GLIS2: variants seen among roughly 807,000 people sequenced by gnomAD.
GLIS2 encodes the protein GLIS family zinc finger 2.
GLIS2 carries 14 observed loss-of-function variants against 35.6 expected under a neutral mutation model. That is an observed-to-expected ratio of 0.39 (90% CI 0.26 to 0.61). The LOEUF is 0.61. GLIS2 is among the 20% of genes least tolerant of loss of function. The probability of loss-of-function intolerance (pLI) is 0.48; values close to 1 mark genes in which losing one functional copy is unlikely to be tolerated. For synonymous variants in GLIS2, 368 were observed against 325.1 expected (o/e 1.13, Z -1.42); for missense variants, 675 against 713.4 (o/e 0.95, Z 0.61).
chr16:4,336,549 T>G, intron 6 of GLIS2, 176 bp from the exon 7 acceptor site: 1 of 709,964 alleles, frequency 1.4e-6, no homozygotes, highest in Non-Finnish European at 2.5e-6. Context: ...TTTCAGCCTC[T>G]GTGCCCTGCC....
chr16:4,333,045 G>A (rs2053514144), intron 2 of GLIS2, among the ~76,000 whole-genome samples: 1 of 152,184 alleles, frequency 6.6e-6, no homozygotes, highest in Admixed American at 6.5e-5. Flanking sequence ...CAGGGACCCA[G>A]GGGCCCTGGG....
At chr16:4,336,685 G>C (rs1290637076) in intron 6 of GLIS2, 40 bp from the exon 7 acceptor site, 1 of 1,550,188 alleles carries the variant, frequency 6.5e-7, no homozygotes. Flanking sequence ...AGGAAGGGGA[G>C]AGACCCCTCA....
At position 4,337,559 on chromosome 16, in the gene GLIS2, C is replaced by T; in HGVS notation, c.*35C>T. On this transcript the variant is annotated 3_prime_UTR_variant, in exon 7 of 7. Transcript: ENST00000433375. ...GCGGACAGTTGTGGTGCCCCCCCGG[C>T]AGCTCCCGGCACTGCCCCCGACGAA... 1.3e-6 allele frequency: 2 copies of T among 1,539,956 alleles called. No individual in the cohort carries two copies. Among genetic ancestry groups the T allele is most frequent in the Non-Finnish European group, 1.7e-6 (2 of 1,148,432 alleles).
In GLIS2 at chr16:4,338,076, C is replaced by T. The variant is rs909107733; in HGVS notation, c.*552C>T. 9.0e-5 allele frequency: 16 copies of T among 177,142 alleles called. No homozygotes were observed. Among genetic ancestry groups the T allele is most frequent in the Non-Finnish European group, 1.9e-4 (16 of 82,832 alleles). 11.0% of individuals were successfully genotyped at this position (177,142 alleles called of 1,614,324 possible). A position where few individuals can be genotyped will look rare whatever the true frequency, so the allele number is the denominator to read the frequency against. ...GAGGGAAAGCAAGACAGATGCAGGC[C>T]CCTGCAAAGCCCCAGGTAGAAGCAT... On this transcript the variant is annotated 3_prime_UTR_variant, in exon 7 of 7. Coordinates refer to ENST00000433375, the MANE Select transcript of GLIS2 (RefSeq NM_032575.3).
At chr16:4,327,985 C>T (rs1157811843) in intron 1 of GLIS2, among the ~76,000 whole-genome samples, 2 of 152,108 alleles carry the variant, frequency 1.3e-5, no homozygotes, top group African/African-American at 4.8e-5. Flanking sequence ...GAGACGCGGC[C>T]CTGGGCTCTG....
At chr16:4,318,166 C>G (rs902705795) in intron 1 of GLIS2, among the ~76,000 whole-genome samples, 4 of 152,320 alleles carry the variant, frequency 2.6e-5, no homozygotes, top group African/African-American at 4.8e-5. Flanking sequence ...GGCTGGAGCC[C>G]AGTCACAGCT....
chr16:4,323,619 T>A (rs1004848556), intron 1 of GLIS2, among the ~76,000 whole-genome samples: 1 of 152,112 alleles, frequency 6.6e-6, no homozygotes, highest in African/African-American at 2.4e-5. Context: ...CCTGCTGGCG[T>A]TGGAGAAGGA....
At chr16:4,327,741 C>T (rs1229396439) in intron 1 of GLIS2, among the ~76,000 whole-genome samples, 2 of 146,294 alleles carry the variant, frequency 1.4e-5, no homozygotes, top group African/African-American at 2.5e-5. Flanking sequence ...TCCCCCGAAG[C>T]CCCCGCCGTC....
In GLIS2 at chr16:4,320,185, C is replaced by T. The variant is rs753213001; in HGVS notation, c.-67+3931C>T. 1.1e-4 allele frequency among the ~76,000 whole-genome samples: 16 copies of T among 152,064 alleles called. No homozygotes were observed. The highest frequency in any genetic ancestry group is 1.6e-4 in the Non-Finnish European group (11 of 67,978). ...GGACTCCAGCCTTGGCAGATGGCTGCCGGGGAAGGGACGGAGACCCAGCCC... is the reference window on the plus strand; with the variant it reads ...GGACTCCAGCCTTGGCAGATGGCTGTCGGGGAAGGGACGGAGACCCAGCCC... On this transcript the variant is annotated intron_variant, in intron 1 of 6. Coordinates refer to ENST00000433375, the MANE Select transcript of GLIS2 (RefSeq NM_032575.3). The surrounding 1 kb of genome is among the most constrained non-coding windows in gnomAD (Gnocchi z 5.6).
chr16:4,320,130 G>T lies in GLIS2; in HGVS notation c.-67+3876G>T, dbSNP rs1465930437. 6.6e-6 allele frequency among the ~76,000 whole-genome samples: 1 copy of T among 152,122 alleles called. No individual in the cohort carries two copies. Among genetic ancestry groups the T allele is most frequent in the Non-Finnish European group, 1.5e-5 (1 of 68,004 alleles). On this transcript the variant is annotated intron_variant, in intron 1 of 6. Transcript: ENST00000433375. The surrounding 1 kb of genome is among the most constrained non-coding windows in gnomAD (Gnocchi z 5.6). ...GTAGTGCCCACCGCAGGGAGGGGCCGGCCTGTGAGTGTCACATGTGCGTGC... is the reference window on the plus strand; with the variant it reads ...GTAGTGCCCACCGCAGGGAGGGGCCTGCCTGTGAGTGTCACATGTGCGTGC...
rs766222280 is a variant in GLIS2, at chr16:4,321,710, CTTCTCT to C, written c.-67+5458_-67+5463del. On this transcript the variant is annotated intron_variant, in intron 1 of 6. Coordinates refer to ENST00000433375, the MANE Select transcript of GLIS2 (RefSeq NM_032575.3). The stretch of plus-strand genomic sequence containing the variant: ...TGGGGCAGGGGTCTGCTGGTGAGGC[CTTCTCT>C]TCAGTAGCCACAGCGGGTTTGGAGC... 5.5e-3 allele frequency among the ~76,000 whole-genome samples: 843 copies of C among 152,212 alleles called. 6 individuals are homozygous for C. The highest frequency in any genetic ancestry group is 9.5e-3 in the Non-Finnish European group (646 of 67,990).
chr16:4,333,036 A>G (rs1399030434), intron 2 of GLIS2, among the ~76,000 whole-genome samples: 1 of 152,130 alleles, frequency 6.6e-6, no homozygotes, highest in Non-Finnish European at 1.5e-5. Context: ...CCCGTCTGAC[A>G]GGGACCCAGG....
upstream of GLIS2, chr16:4,314,771 C>T (rs545372963): frequency 6.6e-6 from 1 of 152,434 alleles, no homozygotes; most frequent in East Asian, 1.9e-4. Context: ...AGATGCCTCA[C>T]CTCTAGGGGA....
At chr16:4,322,568 A>G (rs1414562928) in intron 1 of GLIS2, among the ~76,000 whole-genome samples, 1 of 151,344 alleles carries the variant, frequency 6.6e-6, no homozygotes, top group Non-Finnish European at 1.5e-5. Flanking sequence ...AAGGCTCTTC[A>G]CCCCATATCC....
chr16:4,334,938 C>G lies in GLIS2; in HGVS notation c.483C>G (p.Asp161Glu), dbSNP rs768968349. ...CCAAGGACAAGTGCCTCTCGCCAGA[C>G]CTGCCCCTGCCCAAGCAGCTGGTGT... Reference protein sequence around the residue: ...TPPKDKCLSPDLPLPKQLVCR... With the variant: ...TPPKDKCLSPELPLPKQLVCR... The change falls in exon 4 of 7, where the codon GAC becomes GAG. Residue 161 changes from aspartate to glutamate, a missense_variant. Transcript: ENST00000433375. The G allele has an allele frequency of 6.2e-7, 1 of 1,613,202 alleles. No homozygotes were observed. The highest frequency in any genetic ancestry group is 1.7e-5 in the Admixed American group (1 of 60,024).
rs764577088 is a variant in GLIS2 at position 4,335,226 on chromosome 16, CTG to C, written c.656+34_656+35del. 4 of 1,613,582 alleles carry C rather than the reference CTG, an allele frequency of 2.5e-6. No homozygotes were observed. Among genetic ancestry groups the C allele is most frequent in the Admixed American group, 3.3e-5 (2 of 60,020 alleles). ...GGGGGAGAGAGGGGTAGAGGGAGGA[CTG>C]GGGTCTCCAGTGAGCTGAGCCGTGC... On this transcript the variant is annotated intron_variant, in intron 5 of 6. Coordinates refer to ENST00000433375, the MANE Select transcript of GLIS2 (RefSeq NM_032575.3). This position sits in a 1 kb window ranked among gnomAD's most constrained non-coding sequence, Gnocchi z 4.6.
In GLIS2 at chr16:4,316,144, GA is replaced by G. The variant is rs1383807160; in HGVS notation, c.-176del. Among the ~76,000 whole-genome samples, 1 of 196 alleles carries G rather than the reference GA, an allele frequency of 5.1e-3. No individual in the cohort carries two copies. The highest frequency in any genetic ancestry group is 0.5 in the South Asian group (1 of 2). 0.1% of individuals were successfully genotyped at this position (196 alleles called of 152,430 possible). On this transcript the variant is annotated 5_prime_UTR_variant, in exon 1 of 7. An upstream open reading frame in the 5' UTR loses its in-frame stop. Transcript: ENST00000433375. ...CGTGCCAGGGGAGCCCGCGCCCCGTGAGGCCTCGCGCCCCGGCCCCCGCCCG... is the reference window on the plus strand; with the variant it reads ...CGTGCCAGGGGAGCCCGCGCCCCGTGGGCCTCGCGCCCCGGCCCCCGCCCG...
rs182526202 is a variant in GLIS2, at chr16:4,335,083, G to A, written c.546G>A (p.Leu182=). The A allele has an allele frequency of 2.5e-5, 41 of 1,613,476 alleles. No individual in the cohort carries two copies. In the East Asian group the frequency reaches 9.1e-4, roughly 36 times the overall value. The change falls in exon 5 of 7, where the codon CTG becomes CTA. Residue 182 remains leucine (L), a synonymous_variant. Coordinates refer to ENST00000433375, the MANE Select transcript of GLIS2 (RefSeq NM_032575.3). The surrounding 1 kb of genome is among the most constrained non-coding windows in gnomAD (Gnocchi z 4.6). ...AGTGTAACCAGCTCTTTGAGCTCCT[G>A]CAAGACCTGGTGGACCATGTCAACG... The part of the protein sequence containing the change: ...WAKCNQLFEL[L]QDLVDHVNDY...
rs764220639 is a variant in GLIS2 at position 4,337,135 on chromosome 16, G to A, written c.1186G>A (p.Gly396Arg). 1.6e-5 allele frequency: 25 copies of A among 1,536,780 alleles called. No individual in the cohort carries two copies. In the Admixed American group the frequency reaches 4.7e-4, roughly 29 times the overall value. The change falls in exon 7 of 7, where the codon GGG (glycine) becomes AGG (arginine). Residue 396 changes from glycine to arginine, a missense_variant. This residue lies in a region of GLIS2 where 317 missense variants were observed against 283.2 expected (regional missense o/e 1.12). Transcript: ENST00000433375. Reference protein sequence around the residue: ...CGNGGGSGGGGGMGPGLPGPV... With the variant: ...CGNGGGSGGGRGMGPGLPGPV... ...CAACGGTGGGGGCAGTGGGGGTGGG[G>A]GGGGCATGGGCCCTGGGCTGCCAGG...
Sources: allele counts gnomAD v4.1 joint callset (sites outside exome capture counted in the v4.1 genomes callset), GRCh38; gene constraint gnomAD v4.1.1; regional missense constraint gnomAD v4.1.1; non-coding constraint Gnocchi (gnomAD v3.1); transcripts MANE v1.5; gene names NCBI Gene and HGNC (gene_info 2026-07-23, HGNC 2026-07-21).